Variants in GPHN observed in about 807,000 individuals in gnomAD.
The protein encoded by GPHN is gephyrin.
A neutral mutation model predicts 95.5 loss-of-function variants in GPHN; 17 were observed. The observed-to-expected ratio is 0.18, with a 90% CI of 0.12 to 0.27. The LOEUF (loss-of-function observed/expected upper bound fraction) is 0.27, where lower values mean the gene tolerates loss of function less well. Ranked by LOEUF, GPHN falls within the 10% of genes least tolerant of loss-of-function variation. The pLI is 1.00. For synonymous variants in GPHN, 320 were observed against 322.5 expected (o/e 0.99, Z 0.08); for missense variants, 660 against 978.1 (o/e 0.67, Z 4.34).
the GPHN span, chr14:67,695,838 C>T: frequency 1.3e-6 from 1 of 775,916 alleles, no homozygotes; most frequent in Admixed American, 2.7e-5. Context: ...TAGTCCAGAG[C>T]TTGACAGCCT....
chr14:67,453,760 T>C, the GPHN span, among the ~76,000 whole-genome samples: 2 of 152,038 alleles, frequency 1.3e-5, no homozygotes, highest in Non-Finnish European at 2.9e-5. Flanking sequence ...TCCAGAGCTG[T>C]GGAGAGAGGG....
chr14:67,675,906 G>T, the GPHN span, among the ~76,000 whole-genome samples: 1 of 152,050 alleles, frequency 6.6e-6, no homozygotes, highest in African/African-American at 2.4e-5. Context: ...GACCAGCCTG[G>T]CCAACATGGT....
At chr14:67,034,806 G>T (rs141789753) in intron 10 of GPHN, among the ~76,000 whole-genome samples, 4 of 151,982 alleles carry the variant, frequency 2.6e-5, no homozygotes. Flanking sequence ...AGGCGTGAAG[G>T]GAGAATAGAC....
the GPHN span, among the ~76,000 whole-genome samples, chr14:67,238,579 G>T: frequency 6.6e-6 from 1 of 151,904 alleles, no homozygotes; most frequent in Non-Finnish European, 1.5e-5. Context: ...CCACTAGAGA[G>T]TAGATTTGTT....
chr14:66,584,460 T>C (rs1954171862), intron 1 of GPHN, among the ~76,000 whole-genome samples: 1 of 152,192 alleles, frequency 6.6e-6, no homozygotes, highest in African/African-American at 2.4e-5. Context: ...ATCCCTGTCT[T>C]GTGCCAGTTT....
chr14:66,984,382 A>G (rs2070882069), intron 9 of GPHN, among the ~76,000 whole-genome samples: 1 of 152,308 alleles, frequency 6.6e-6, no homozygotes, highest in Middle Eastern at 3.4e-3. Flanking sequence ...AAATTTGACA[A>G]TTCTGTTCCA....
the GPHN span, among the ~76,000 whole-genome samples, chr14:67,541,262 C>T: frequency 6.6e-6 from 1 of 152,172 alleles, no homozygotes; most frequent in Non-Finnish European, 1.5e-5. Context: ...GGTTCTGCCT[C>T]TAATTAGCTA....
At chr14:66,726,747 GAAATCTGAAATTCTCTA>G (rs1288419918) in intron 2 of GPHN, among the ~76,000 whole-genome samples, 1 of 152,118 alleles carries the variant, frequency 6.6e-6, no homozygotes, top group East Asian at 1.9e-4. Flanking sequence ...CTGAAAATCT[GAAATCTGAAATTCTCTA>G]AAATCTGAAA....
At chr14:66,723,261 G>A (rs909821713) in intron 2 of GPHN, among the ~76,000 whole-genome samples, 3 of 148,590 alleles carry the variant, frequency 2.0e-5, no homozygotes, top group Admixed American at 6.7e-5. Flanking sequence ...AACCTTTTAT[G>A]AATATAATTT....
chr14:66,755,530 G>A (rs1260115369), intron 2 of GPHN, among the ~76,000 whole-genome samples: 1 of 152,054 alleles, frequency 6.6e-6, no homozygotes, highest in African/African-American at 2.4e-5. Flanking sequence ...TGTAGACTCT[G>A]TAGAGCTATT....
intron 2 of GPHN, among the ~76,000 whole-genome samples, chr14:66,735,955 G>A (rs2072224497): frequency 6.6e-6 from 1 of 152,038 alleles, no homozygotes; most frequent in African/African-American, 2.4e-5. Context: ...TATAGACAGG[G>A]AACCAAAGGT....
At chr14:66,676,749 C>A (rs2066615184) in intron 1 of GPHN, among the ~76,000 whole-genome samples, 1 of 146,116 alleles carries the variant, frequency 6.8e-6, no homozygotes, top group African/African-American at 2.6e-5. Flanking sequence ...CTATGCTAAT[C>A]ATGGATACTG....
chr14:66,602,255 TGAGA>T (rs2062287035), intron 1 of GPHN, among the ~76,000 whole-genome samples: 1 of 151,980 alleles, frequency 6.6e-6, no homozygotes, highest in African/African-American at 2.4e-5. Context: ...TGCAACACTG[TGAGA>T]GTGATCAAAG....
chr14:67,316,907 A>T, the GPHN span: 1 of 1,607,288 alleles, frequency 6.2e-7, no homozygotes, highest in African/African-American at 1.3e-5. Flanking sequence ...AAATCAGGTT[A>T]GACACTTGTA....
chr14:66,862,803 C>T (rs1195423885), intron 4 of GPHN, among the ~76,000 whole-genome samples: 1 of 152,040 alleles, frequency 6.6e-6, no homozygotes, highest in Non-Finnish European at 1.5e-5. Flanking sequence ...CTCAAAAAAA[C>T]TGGGTGTAGA....
intron 8 of GPHN, among the ~76,000 whole-genome samples, chr14:66,932,444 G>A (rs952068413): frequency 1.6e-4 from 4 of 24,380 alleles, no homozygotes; most frequent in Non-Finnish European, 2.9e-4. Flanking sequence ...CCAAGACCAG[G>A]TTTTTTTTTT....
intron 1 of GPHN, among the ~76,000 whole-genome samples, chr14:66,562,670 G>A (rs1462416634): frequency 3.9e-5 from 6 of 152,148 alleles, no homozygotes; most frequent in Non-Finnish European, 8.8e-5. Context: ...ACTAAGAACA[G>A]CAAATTGTAG....
intron 8 of GPHN, among the ~76,000 whole-genome samples, chr14:66,945,888 T>C (rs947249383): frequency 1.3e-5 from 2 of 152,178 alleles, no homozygotes; most frequent in African/African-American, 4.8e-5. Context: ...TTGTAACTCT[T>C]TATCTGTGCT....
At chr14:67,231,291 T>C in the GPHN span, among the ~76,000 whole-genome samples, 1 of 152,224 alleles carries the variant, frequency 6.6e-6, no homozygotes. Context: ...GACTGCAAAG[T>C]AGTTTGAGGA....
Sources: gnomAD v4.1 joint callset for allele counts (sites outside exome capture counted in the v4.1 genomes callset) on GRCh38, gnomAD v4.1.1 for gene constraint, MANE v1.5 for transcripts, NCBI Gene and HGNC (gene_info 2026-07-23, HGNC 2026-07-21) for gene names.